The following CNTN5 variants were observed in gnomAD, a reference collection of about 807,000 sequenced individuals.
CNTN5 encodes the protein contactin-5.
A neutral mutation model predicts 129.1 loss-of-function variants in CNTN5; 77 were observed. That is an observed-to-expected ratio of 0.60 (90% confidence interval 0.50 to 0.72). CNTN5 has a LOEUF of 0.72. Among genes scored for constraint, CNTN5 ranks in the 30% least tolerant of loss-of-function variants. CNTN5 has a pLI of 0.00. For synonymous variants in CNTN5, 509 were observed against 465.6 expected (o/e 1.09, Z -1.20); for missense variants, 1,478 against 1,328.8 (o/e 1.11, Z -1.75).
At chr11:99,188,166 G>C (rs989873139) in intron 1 of CNTN5, among the ~76,000 whole-genome samples, 4 of 151,734 alleles carry the variant, frequency 2.6e-5, no homozygotes, top group African/African-American at 4.8e-5. Flanking sequence ...ATGACAGTAT[G>C]TCCAACTAGT....
At chr11:99,688,604 A>AAAAAG (rs1391698403) in intron 3 of CNTN5, among the ~76,000 whole-genome samples, 20 of 151,938 alleles carry the variant, frequency 1.3e-4, no homozygotes, top group African/African-American at 4.8e-4. Context: ...TTTTATTATT[A>AAAAAG]TTTTGTCTTC....
At chr11:99,281,812 A>C (rs970289063) in intron 1 of CNTN5, among the ~76,000 whole-genome samples, 11 of 151,950 alleles carry the variant, frequency 7.2e-5, no homozygotes, top group Non-Finnish European at 2.9e-5. Context: ...AAATGTTTTT[A>C]CTTCACTTAT....
rs12289757 is a variant in CNTN5, at chr11:99,938,940, T to C, written c.674-17866T>C. On this transcript the variant is annotated intron_variant, in intron 7 of 24. Transcript: ENST00000524871. The stretch of plus-strand genomic sequence containing the variant: ...AATTGCCTTATATCTGAATTAGTAT[T>C]TGTATGATTTGACTCATTCTAAATT... 6.0e-3 allele frequency among the ~76,000 whole-genome samples: 911 copies of C among 152,224 alleles called. 11 individuals are homozygous for C. The highest frequency in any genetic ancestry group is 0.02 in the African/African-American group (827 of 41,570).
At chr11:99,884,188 A>G (rs78268792) in intron 6 of CNTN5, among the ~76,000 whole-genome samples, 5,868 of 152,230 alleles carry the variant, frequency 0.039, 195 homozygotes, top group East Asian at 0.17. Flanking sequence ...CATGAACTAT[A>G]TATGAAATAA....
intron 3 of CNTN5, among the ~76,000 whole-genome samples, chr11:99,651,075 A>C (rs776957448): frequency 3.3e-5 from 5 of 151,996 alleles, no homozygotes; most frequent in Non-Finnish European, 7.4e-5. Flanking sequence ...GTTATTTAAC[A>C]TGCACAATCA....
At chr11:99,997,682 G>C (rs11222271) in intron 8 of CNTN5, among the ~76,000 whole-genome samples, 56,807 of 151,278 alleles carry the variant, frequency 0.38, 12,105 homozygotes, top group African/African-American at 0.58. Context: ...TGAGACCAAA[G>C]CCGGGCAGAG....
At chr11:99,451,745 AACATGCTGTATAC>A (rs1944310305) in intron 2 of CNTN5, among the ~76,000 whole-genome samples, 1 of 152,148 alleles carries the variant, frequency 6.6e-6, no homozygotes, top group Non-Finnish European at 1.5e-5. Context: ...ATAAAAGCCT[AACATGCTGTATAC>A]ACACTTTCTT....
chr11:99,925,245 G>C (rs1199853743), intron 7 of CNTN5, among the ~76,000 whole-genome samples: 1 of 152,156 alleles, frequency 6.6e-6, no homozygotes, highest in African/African-American at 2.4e-5. Flanking sequence ...ATAATAATCA[G>C]TTAAGTAGGA....
intron 1 of CNTN5, among the ~76,000 whole-genome samples, chr11:99,107,746 A>G (rs1867068733): frequency 6.6e-6 from 1 of 151,908 alleles, no homozygotes; most frequent in African/African-American, 2.4e-5. Flanking sequence ...CCTAGCTAAC[A>G]TGGTGAAACC....
At chr11:99,576,460 C>A (rs1428867447) in intron 3 of CNTN5, among the ~76,000 whole-genome samples, 3 of 152,120 alleles carry the variant, frequency 2.0e-5, no homozygotes, top group East Asian at 1.9e-4. Context: ...CTTTTGGTAG[C>A]CTTTCATTGA....
At chr11:99,168,344 G>C (rs932582508) in intron 1 of CNTN5, among the ~76,000 whole-genome samples, 1 of 152,172 alleles carries the variant, frequency 6.6e-6, no homozygotes, top group Middle Eastern at 3.4e-3. Context: ...CCGGGGGGGT[G>C]GGGGGACGGC....
chr11:99,057,814 G>C (rs1402523607), intron 1 of CNTN5, among the ~76,000 whole-genome samples: 1 of 151,132 alleles, frequency 6.6e-6, no homozygotes, highest in Non-Finnish European at 1.5e-5. Flanking sequence ...GTGTGTGTGT[G>C]TGTATGGTCA....
In CNTN5 at chr11:99,142,921, G is replaced by A. The variant is rs374401113; in HGVS notation, c.-210+121651G>A. Among the ~76,000 whole-genome samples the A allele has an allele frequency of 2.6e-5, 4 of 152,254 alleles. No individual in the cohort carries two copies. The East Asian group carries it at 7.8e-4, about 30-fold the overall frequency. ...TCACCTCTTACTTAGGAGCACCTCA[G>A]GGCCAGGGACTAGTCCTGGTGCTCA... On this transcript the variant is annotated intron_variant, in intron 1 of 24. Transcript: ENST00000524871.
At chr11:99,483,000 C>A (rs1945660538) in intron 2 of CNTN5, among the ~76,000 whole-genome samples, 1 of 151,646 alleles carries the variant, frequency 6.6e-6, no homozygotes, top group Non-Finnish European at 1.5e-5. Context: ...ATGGTTAAAG[C>A]CTGTCTCTAC....
intron 7 of CNTN5, among the ~76,000 whole-genome samples, chr11:99,931,230 C>T (rs1591439560): frequency 6.6e-6 from 1 of 152,006 alleles, no homozygotes; most frequent in East Asian, 1.9e-4. Context: ...TTTTCCTGTA[C>T]TTAATTGTAA....
At chr11:99,089,638 A>T (rs1406837142) in intron 1 of CNTN5, among the ~76,000 whole-genome samples, 1 of 152,200 alleles carries the variant, frequency 6.6e-6, no homozygotes, top group Non-Finnish European at 1.5e-5. Context: ...ATAAGCTACC[A>T]GTTAGCAACT....
At chr11:99,682,162 T>A (rs1380845026) in intron 3 of CNTN5, among the ~76,000 whole-genome samples, 1 of 152,080 alleles carries the variant, frequency 6.6e-6, no homozygotes, top group African/African-American at 2.4e-5. Flanking sequence ...CTGGTGAAAC[T>A]TCAGTAAGGG....
At chr11:99,919,754 C>T (rs373307817) in intron 7 of CNTN5, among the ~76,000 whole-genome samples, 28 of 152,064 alleles carry the variant, frequency 1.8e-4, no homozygotes, top group African/African-American at 6.5e-4. Flanking sequence ...TGTCCCTAGG[C>T]AATTTTTGCT....
chr11:99,482,647 A>G (rs922652693), intron 2 of CNTN5, among the ~76,000 whole-genome samples: 1 of 152,178 alleles, frequency 6.6e-6, no homozygotes, highest in Admixed American at 6.5e-5. Flanking sequence ...TTTTCAAAAT[A>G]GGTCATAGAC....
Sources: gnomAD v4.1 joint callset for allele counts (sites outside exome capture counted in the v4.1 genomes callset) on GRCh38, gnomAD v4.1.1 for gene constraint, MANE v1.5 for transcripts, NCBI Gene and HGNC (gene_info 2026-07-23, HGNC 2026-07-21) for gene names.